Variants in PI4KA observed in about 807,000 individuals in gnomAD.
PI4KA encodes the protein PI4-kinase alpha.
Under a neutral mutation model 271.4 loss-of-function variants are expected in PI4KA, and 122 were observed. The ratio of observed to expected loss-of-function variants is 0.45; its 90% CI spans 0.39 to 0.52. PI4KA has a LOEUF of 0.52. PI4KA is among the 20% of genes least tolerant of loss of function. The probability of loss-of-function intolerance (pLI) is 0.00; values close to 1 mark genes in which losing one functional copy is unlikely to be tolerated. For synonymous variants in PI4KA, 1,041 were observed against 1,078.8 expected, an observed-to-expected ratio of 0.96 and a Z score of 0.69; for missense variants, 1,969 against 2,769.1, an observed-to-expected ratio of 0.71 and a Z score of 6.48.
In PI4KA at chr22:20,828,915, A is replaced by C. The variant is rs1489182719; in HGVS notation, c.368-4501T>G. Among the ~76,000 whole-genome samples, 4 of 152,308 alleles carry C rather than the reference A, an allele frequency of 2.6e-5. No homozygotes were observed. In the East Asian group the frequency reaches 7.7e-4, roughly 29 times the overall value. Reference sequence around the variant, plus strand: ...ATGAAAAGCCTCTTCTGTATCTATTAAGATAATCACATGGTTTTTGTTTTT... The same window carrying C: ...ATGAAAAGCCTCTTCTGTATCTATTCAGATAATCACATGGTTTTTGTTTTT... On this transcript the variant is annotated intron_variant, in intron 3 of 54. Coordinates refer to ENST00000255882, the MANE Select transcript of PI4KA (RefSeq NM_058004.4).
chr22:20,855,923 T>TTTGTAAGCAGGCTC (rs1927531167), intron 1 of PI4KA, among the ~76,000 whole-genome samples: 1 of 152,262 alleles, frequency 6.6e-6, no homozygotes, highest in Admixed American at 6.5e-5. Flanking sequence ...AAAGGCCAAC[T>TTTGTAAGCAGGCTC]TTGTAAGCAG....
chr22:20,805,127 C>T lies in PI4KA; in HGVS notation c.1207G>A (p.Val403Met), dbSNP rs751865470. Residue 403 changes from valine (V) to methionine (M), a missense_variant, in exon 11 of 55, where the codon GTG becomes ATG. Transcript: ENST00000255882. ...TSFVKEIHDF[V>M]LEQFNTSQGE... Reference sequence around the variant, plus strand: ...TGGCTCGTGTTGAACTGCTCCAGCACAAAATCATGGATCTCCTTCACAAAA... The same window carrying T: ...TGGCTCGTGTTGAACTGCTCCAGCATAAAATCATGGATCTCCTTCACAAAA... 2 of 1,614,078 alleles carry T rather than the reference C, an allele frequency of 1.2e-6. No homozygotes were observed. Among genetic ancestry groups the T allele is most frequent in the South Asian group, 1.1e-5 (1 of 91,044 alleles).
At chr22:20,808,622 C>A (rs1318743438) in intron 9 of PI4KA, among the ~76,000 whole-genome samples, 1 of 150,218 alleles carries the variant, frequency 6.7e-6, no homozygotes, top group Non-Finnish European at 1.5e-5. Context: ...CAGTCCTTAA[C>A]TTCTATATAC....
rs542944423 is a variant in PI4KA, at chr22:20,801,316, T to G, written c.1724+657A>C. ...AAAGTATAAATGCAGCCAGGCACGG[T>G]GGCTCACGCTTGTAATCCCAGCACT... On this transcript the variant is annotated intron_variant, in intron 14 of 54. Coordinates refer to ENST00000255882, the MANE Select transcript of PI4KA (RefSeq NM_058004.4). Among the ~76,000 whole-genome samples, 33 of 152,118 alleles carry G rather than the reference T, an allele frequency of 2.2e-4. No homozygotes were observed. In the South Asian group the frequency reaches 6.9e-3, roughly 32 times the overall value.
Position 20,799,067 on chromosome 22 carries a change from G to T in PI4KA, c.2004+26C>A, listed in dbSNP as rs529690815. 3.8e-6 allele frequency: 6 copies of T among 1,597,066 alleles called. No individual in the cohort carries two copies. The African/African-American group carries it at 4.0e-5, about 11-fold the overall frequency. On this transcript the variant is annotated intron_variant, in intron 16 of 54. Transcript: ENST00000255882. ...TTAACGTAGCTTGCACAGGGTTAGT[G>T]GTGTTCTGGCTCTGGCCTCCCTTAC...
At chr22:20,745,105 G>A (rs1057489058) in intron 29 of PI4KA, among the ~76,000 whole-genome samples, 2 of 152,186 alleles carry the variant, frequency 1.3e-5, no homozygotes, top group Non-Finnish European at 2.9e-5. Flanking sequence ...GGGGCTGAAG[G>A]GGAGAGCCAA....
intron 18 of PI4KA, among the ~76,000 whole-genome samples, chr22:20,794,463 C>T (rs1263654368): frequency 2.0e-5 from 3 of 152,196 alleles, no homozygotes; most frequent in Admixed American, 2.0e-4. Context: ...GAGGTGGTCC[C>T]AGCTGTGTAC....
chr22:20,785,350 C>T (rs1170186047), intron 19 of PI4KA, among the ~76,000 whole-genome samples: 1 of 152,196 alleles, frequency 6.6e-6, no homozygotes, highest in African/African-American at 2.4e-5. Flanking sequence ...GATTAACAGG[C>T]GTGAGCCGCT....
Position 20,747,575 on chromosome 22 carries a change from G to A in PI4KA, c.3363+8C>T, listed in dbSNP as rs773493996. 9 of 1,613,580 alleles carry A rather than the reference G, an allele frequency of 5.6e-6. No individual in the cohort carries two copies. The highest frequency in any genetic ancestry group is 2.2e-5 in the East Asian group (1 of 44,860). ...GGGGTCACTGCTCTTCAGAAGGCTC[G>A]CACATACCCCAAGAGTTGTGTTCTG... is the stretch of plus-strand genomic sequence containing the variant. On this transcript the variant is annotated splice_region_variant and intron_variant, in intron 29 of 54. Coordinates refer to ENST00000255882, the MANE Select transcript of PI4KA (RefSeq NM_058004.4).
At chr22:20,729,286 G>A (rs1927722637) in intron 39 of PI4KA, 27 bp downstream of exon 39, 1 of 1,600,300 alleles carries the variant, frequency 6.2e-7, no homozygotes, top group Non-Finnish European at 8.5e-7. Context: ...TGAGGCCTGT[G>A]TCAGGCTGTG....
intron 1 of PI4KA, among the ~76,000 whole-genome samples, chr22:20,850,719 G>A (rs963118028): frequency 6.6e-6 from 1 of 151,930 alleles, no homozygotes; most frequent in Admixed American, 6.6e-5. Flanking sequence ...TTACAGGTGT[G>A]AGCCACCGCG....
rs1176893585 is a variant in PI4KA at position 20,734,068 on chromosome 22, C to T, written c.4027G>A (p.Val1343Met). 21 of 1,601,758 alleles carry T rather than the reference C, an allele frequency of 1.3e-5. No homozygotes were observed. The highest frequency in any genetic ancestry group is 1.8e-5 in the Non-Finnish European group (21 of 1,174,952). ...GGAKGSMNRH[V>M]AAIGPRFKLL... ...TTGAAGCGGGGCCCGATGGCCGCCA[C>T]GTGCCGGTTCATGCTCCCCTTGGCC... Residue 1343 changes from valine to methionine, a missense_variant, in exon 34 of 55, where the codon GTG becomes ATG. Transcript: ENST00000255882.
chr22:20,823,840 C>T (rs1923027436), intron 4 of PI4KA, among the ~76,000 whole-genome samples: 1 of 152,036 alleles, frequency 6.6e-6, no homozygotes, highest in South Asian at 2.1e-4. Flanking sequence ...ACTTGGGAGT[C>T]TTAGGAGGGA....
At chr22:20,721,253 C>T in intron 43 of PI4KA, 45 bp downstream of exon 43, 2 of 1,609,162 alleles carry the variant, frequency 1.2e-6, no homozygotes, top group South Asian at 2.2e-5. Flanking sequence ...CTTGGCAGTG[C>T]ACTGAAGACA....
intron 9 of PI4KA, 152 bp from the exon 10 acceptor site, chr22:20,807,610 A>G (rs1935739696): frequency 4.9e-6 from 3 of 606,550 alleles, no homozygotes; most frequent in Admixed American, 5.4e-5. Flanking sequence ...TGGACACTCT[A>G]CTGTCTTCAT....
intron 45 of PI4KA, among the ~76,000 whole-genome samples, 198 bp from the exon 46 acceptor site, chr22:20,714,898 C>T (rs1016268558): frequency 6.6e-6 from 1 of 152,170 alleles, no homozygotes; most frequent in Non-Finnish European, 1.5e-5. Flanking sequence ...CTTGACTCTT[C>T]GACTCTTCCA....
chr22:20,845,701 T>C (rs1461154467), intron 1 of PI4KA, among the ~76,000 whole-genome samples: 1 of 152,112 alleles, frequency 6.6e-6, no homozygotes, highest in Non-Finnish European at 1.5e-5. Flanking sequence ...CAGAGTTTCA[T>C]TAGAGATGCG....
chr22:20,733,231 C>T, intron 35 of PI4KA, 133 bp from the exon 36 acceptor site: 2 of 924,900 alleles, frequency 2.2e-6, no homozygotes, highest in Non-Finnish European at 3.5e-6. Context: ...CAGTCATTAG[C>T]AAGGATGATC....
chr22:20,841,944 G>A lies in PI4KA; in HGVS notation c.157-3213C>T, dbSNP rs533141280. Among the ~76,000 whole-genome samples the A allele has an allele frequency of 3.3e-5, 5 of 152,216 alleles. No individual in the cohort carries two copies. In the South Asian group the frequency reaches 6.2e-4, roughly 19 times the overall value. On this transcript the variant is annotated intron_variant, in intron 1 of 54. Transcript: ENST00000255882. ...AGGCTTGGAAATGATGGCTGGGTGCGGTGGCTCATACCTGTAATTCCAGCA... is the reference window on the plus strand; with the variant it reads ...AGGCTTGGAAATGATGGCTGGGTGCAGTGGCTCATACCTGTAATTCCAGCA...
Sources: gnomAD v4.1 joint callset for allele counts (sites outside exome capture counted in the v4.1 genomes callset) on GRCh38, gnomAD v4.1.1 for gene constraint, MANE v1.5 for transcripts, NCBI Gene and HGNC (gene_info 2026-07-23, HGNC 2026-07-21) for gene names.